Variants in IFNA4 observed in about 807,000 individuals in gnomAD.
The protein encoded by IFNA4 is interferon alpha-4.
For synonymous variants in IFNA4, 84 were observed against 86.0 expected, an observed-to-expected ratio of 0.98 and a Z score of 0.13; for missense variants, 225 against 214.9, an observed-to-expected ratio of 1.05 and a Z score of -0.29.
exon 1 of IFNA4, chr9:21,187,379 G>A: frequency 6.2e-7 from 1 of 1,614,204 alleles, no homozygotes; most frequent in Non-Finnish European, 8.5e-7. Context: ...CCTTCAGGCA[G>A]GAGAAATGAG....
rs777622875 is a variant in IFNA4, at chr9:21,187,422, G to A, written c.110C>T (p.Ala37Val). The change falls in exon 1 of 1, where the codon GCC becomes GTC. Residue 37 changes from alanine to valine, a missense_variant. Coordinates refer to ENST00000421715, the Ensembl canonical transcript of IFNA4. ...TCCCATTTGTGCCAGGAGTATCAAG[G>A]CCCTCCTATTACCCAGGCTGTGGGT... The A allele has an allele frequency of 8.7e-6, 14 of 1,614,176 alleles. No homozygotes were observed. The South Asian group carries it at 1.5e-4, about 18-fold the overall frequency.
exon 1 of IFNA4, chr9:21,186,795 A>G (rs1299361442): frequency 1.4e-5 from 13 of 934,896 alleles, no homozygotes; most frequent in Non-Finnish European, 1.9e-5. Flanking sequence ...GTAAAGGACT[A>G]GTGCCTGCAC....
At chr9:21,187,283 C>T in exon 1 of IFNA4, 1 of 1,612,370 alleles carries the variant, frequency 6.2e-7, no homozygotes, top group Non-Finnish European at 8.5e-7. Flanking sequence ...TCTGCTGGAT[C>T]ATCTCATGGA....
chr9:21,187,532 T>C (rs775333608), exon 1 of IFNA4: 8 of 1,597,706 alleles, frequency 5.0e-6, no homozygotes, highest in Admixed American at 3.5e-5. Flanking sequence ...ACAGGGCCAT[T>C]GGGATGTTGC....
chr9:21,187,553 A>G (rs1433308971), exon 1 of IFNA4: 1 of 1,587,518 alleles, frequency 6.3e-7, no homozygotes, highest in East Asian at 2.2e-5. Context: ...AAATATTGCT[A>G]GGCTACTTGA....
chr9:21,187,435 C>A (rs529575491), exon 1 of IFNA4: 6 of 1,600,938 alleles, frequency 3.7e-6, no homozygotes, highest in South Asian at 2.2e-5. Context: ...CTCCTATTAC[C>A]CAGGCTGTGG....
exon 1 of IFNA4, chr9:21,187,524 A>C: frequency 1.2e-6 from 2 of 1,603,186 alleles, no homozygotes; most frequent in Non-Finnish European, 8.5e-7. Context: ...AGAAAAGGAC[A>C]GGGCCATTGG....
At chr9:21,187,077 A>C (rs753956941) in exon 1 of IFNA4, 15 of 1,614,142 alleles carry the variant, frequency 9.3e-6, no homozygotes, top group Middle Eastern at 1.6e-4. Flanking sequence ...TGTTAGATAA[A>C]GAGTGATTCT....
At chr9:21,187,028 T>G (rs1190684684) in exon 1 of IFNA4, 3 of 1,614,172 alleles carry the variant, frequency 1.9e-6, no homozygotes, top group South Asian at 2.2e-5. Context: ...TGATTTCTGC[T>G]CTGACAACCT....
chr9:21,186,858 C>G, exon 1 of IFNA4: 1 of 1,560,356 alleles, frequency 6.4e-7, no homozygotes, highest in Non-Finnish European at 8.6e-7. Context: ...AATTTTGATT[C>G]AACTCGTGGT....
chr9:21,186,972 C>T, exon 1 of IFNA4: 1 of 1,614,002 alleles, frequency 6.2e-7, no homozygotes, highest in Non-Finnish European at 8.5e-7. Flanking sequence ...TCAATCCTTC[C>T]TCCTTAATCT....
chr9:21,187,538 G>A (rs200538092), exon 1 of IFNA4: 3 of 1,595,786 alleles, frequency 1.9e-6, no homozygotes, highest in South Asian at 1.1e-5. Context: ...CCATTGGGAT[G>A]TTGCAAATAT....
At chr9:21,186,834 T>A (rs1346439280) in exon 1 of IFNA4, 2 of 1,492,358 alleles carry the variant, frequency 1.3e-6, no homozygotes, top group Non-Finnish European at 1.8e-6. Context: ...TTCACACTGC[T>A]GAAAACATTT....
At chr9:21,186,734 TA>T in exon 1 of IFNA4, 1 of 331,818 alleles carries the variant, frequency 3.0e-6, no homozygotes, top group Non-Finnish European at 5.2e-6. Context: ...ATTTTAAAAA[TA>T]AATAAATATT....
At chr9:21,187,324 G>C in exon 1 of IFNA4, 2 of 1,614,048 alleles carry the variant, frequency 1.2e-6, no homozygotes, top group Non-Finnish European at 8.5e-7. Flanking sequence ...TTCTGGAACT[G>C]GTGGCCATCA....
At chr9:21,187,177 G>T (rs1817917831) in exon 1 of IFNA4, 1 of 1,613,546 alleles carries the variant, frequency 6.2e-7, no homozygotes. Context: ...CATGCTTCCA[G>T]GTCATTCAGT....
chr9:21,187,042 A>G (rs1369916289), exon 1 of IFNA4: 5 of 1,614,024 alleles, frequency 3.1e-6, no homozygotes, highest in African/African-American at 2.7e-5. Context: ...ACAACCTCCC[A>G]GGCACAAGGG....
At chr9:21,186,682 C>T (rs1817905378), downstream of IFNA4, 1 of 183,650 alleles carries the variant, frequency 5.4e-6, no homozygotes, top group South Asian at 1.9e-4. Flanking sequence ...ACATTCACCA[C>T]AATGTAAAGG....
chr9:21,187,313 C>T, exon 1 of IFNA4: 2 of 1,614,002 alleles, frequency 1.2e-6, no homozygotes, highest in Non-Finnish European at 1.7e-6. Context: ...TGGCTTGAGC[C>T]TTCTGGAACT....
Sources: allele counts gnomAD v4.1 joint callset, GRCh38; gene constraint gnomAD v4.1.1; transcripts MANE v1.5; gene names NCBI Gene and HGNC (gene_info 2026-07-23, HGNC 2026-07-21).